The following ERC1 variants were observed in gnomAD, a reference collection of about 807,000 sequenced individuals.
The protein encoded by ERC1 is RAB6 interacting protein 2.
ERC1 carries 56 observed loss-of-function variants against 132.0 expected under a neutral mutation model. That is an observed-to-expected ratio of 0.42 (90% CI 0.34 to 0.53). ERC1 has a LOEUF of 0.53. Ranked by LOEUF, ERC1 falls within the 20% of genes least tolerant of loss-of-function variation. The probability of loss-of-function intolerance (pLI) is 0.03; values close to 1 mark genes in which losing one functional copy is unlikely to be tolerated. For synonymous variants in ERC1, 478 were observed against 476.1 expected (o/e 1.00, Z -0.05); for missense variants, 1,202 against 1,349.9 (o/e 0.89, Z 1.72).
Position 1,406,795 on chromosome 12 carries a change from C to T in ERC1, c.2926-1354C>T, listed in dbSNP as rs541504183. 3.0e-4 allele frequency among the ~76,000 whole-genome samples: 46 copies of T among 152,124 alleles called. No individual in the cohort carries two copies. The East Asian group carries it at 6.8e-3, about 22-fold the overall frequency. ...GGCTGAGTTGGGAGGATCACTTGAG[C>T]CCAGGAGTCTGAGGTTGCAGTGAGC... On this transcript the variant is annotated intron_variant, in intron 16 of 18. Coordinates refer to ENST00000360905, the MANE Select transcript of ERC1 (RefSeq NM_178040.4).
chr12:1,121,905 C>G (rs28406235), intron 7 of ERC1, among the ~76,000 whole-genome samples: 477 of 8,966 alleles, frequency 0.053, 2 homozygotes, highest in East Asian at 0.35. Context: ...ATCTCTATCT[C>G]TATCTCTATC....
intron 12 of ERC1, among the ~76,000 whole-genome samples, chr12:1,199,230 A>G (rs1956659273): frequency 6.7e-6 from 1 of 150,146 alleles, no homozygotes; most frequent in Non-Finnish European, 1.5e-5. Context: ...GTGGGGACAA[A>G]CCACCGTCAT....
At chr12:1,486,877 T>C (rs1486749275) in intron 18 of ERC1, among the ~76,000 whole-genome samples, 2 of 152,174 alleles carry the variant, frequency 1.3e-5, no homozygotes, top group East Asian at 3.8e-4. Context: ...TCATGGGAAA[T>C]AAATAAGTGA....
chr12:1,224,557 T>G (rs1425407629), intron 12 of ERC1, among the ~76,000 whole-genome samples: 1 of 152,186 alleles, frequency 6.6e-6, no homozygotes, highest in Non-Finnish European at 1.5e-5. Context: ...GTATATCTAG[T>G]CTGATATAGG....
intron 2 of ERC1, 44 bp downstream of exon 2, chr12:1,028,616 T>C (rs746581941): frequency 6.8e-7 from 1 of 1,471,618 alleles, no homozygotes; most frequent in South Asian, 1.3e-5. Flanking sequence ...AATTCATGTA[T>C]ATAAATGAAA....
intron 12 of ERC1, among the ~76,000 whole-genome samples, chr12:1,225,286 C>G (rs2074468898): frequency 6.6e-6 from 1 of 151,790 alleles, no homozygotes; most frequent in Non-Finnish European, 1.5e-5. Flanking sequence ...TAGCAAGGTG[C>G]TGTCTCTACA....
At chr12:1,296,399 G>GTTTTTTT (rs2079938073) in intron 15 of ERC1, among the ~76,000 whole-genome samples, 3 of 117,880 alleles carry the variant, frequency 2.5e-5, no homozygotes, top group African/African-American at 3.1e-5. Flanking sequence ...TTATTGGATA[G>GTTTTTTT]TCTTTTTTTT....
At chr12:1,062,438 A>G (rs1938207463) in intron 2 of ERC1, among the ~76,000 whole-genome samples, 1 of 151,752 alleles carries the variant, frequency 6.6e-6, no homozygotes, top group Non-Finnish European at 1.5e-5. Context: ...TTGTGTTTCT[A>G]TTTCGGTTTT....
Position 1,400,916 on chromosome 12 carries a change from AT to A in ERC1, c.2926-7196del, listed in dbSNP as rs869202443. On this transcript the variant is annotated intron_variant, in intron 16 of 18. Transcript: ENST00000360905. Reference sequence around the variant, plus strand: ...TCAATATTGTTTTGGCTATTTTTGTATTTTTTTTTTTTTTTTTTTTTTTTTT... The same window carrying A: ...TCAATATTGTTTTGGCTATTTTTGTATTTTTTTTTTTTTTTTTTTTTTTTT... Among the ~76,000 whole-genome samples, 35 of 15,052 alleles carry A rather than the reference AT, an allele frequency of 2.3e-3. 1 individual carries two copies. Among genetic ancestry groups the A allele is most frequent in the African/African-American group, 4.0e-3 (13 of 3,244 alleles). The allele number at this position is 15,052 out of a possible 152,430, so 9.9% of individuals were successfully genotyped here. A position where few individuals can be genotyped will look rare whatever the true frequency, so the allele number is the denominator to read the frequency against.
chr12:1,193,632 T>C (rs577741029), intron 12 of ERC1, among the ~76,000 whole-genome samples: 40 of 152,290 alleles, frequency 2.6e-4, no homozygotes, highest in Non-Finnish European at 4.6e-4. Context: ...CTGAAATCCC[T>C]GTGGCAGGCT....
At chr12:1,443,799 A>G (rs1289888367) in intron 17 of ERC1, 1 of 152,290 alleles carries the variant, frequency 6.6e-6, no homozygotes, top group Non-Finnish European at 1.5e-5. Context: ...GAAGGAATCA[A>G]AGGAGTAGCT....
chr12:1,418,737 A>ACC (rs1375832124), intron 17 of ERC1, among the ~76,000 whole-genome samples: 1 of 114,824 alleles, frequency 8.7e-6, no homozygotes, highest in African/African-American at 3.5e-5. Context: ...TGGAGACAGG[A>ACC]TCTCTCTCTC....
rs187406838 is a variant in ERC1 at position 1,207,383 on chromosome 12, T to C, written c.2351+17331T>C. Among the ~76,000 whole-genome samples, 750 of 152,326 alleles carry C rather than the reference T, an allele frequency of 4.9e-3. 2 individuals carry two copies. The highest frequency in any genetic ancestry group is 9.0e-3 in the Admixed American group (138 of 15,294). On this transcript the variant is annotated intron_variant, in intron 12 of 18. Coordinates refer to ENST00000360905, the MANE Select transcript of ERC1 (RefSeq NM_178040.4). ...ATCTATTTACAAGGAGTTTGACTTA[T>C]GGGCAAGAGTTTATAACCCAGGAGA...
At chr12:1,229,526 T>A (rs1298109400) in intron 12 of ERC1, among the ~76,000 whole-genome samples, 11 of 152,172 alleles carry the variant, frequency 7.2e-5, no homozygotes, top group Admixed American at 7.2e-4. Flanking sequence ...TTGTTGTTGT[T>A]GTTGTTTTAA....
At chr12:1,243,753 A>C (rs2075983826) in intron 13 of ERC1, among the ~76,000 whole-genome samples, 1 of 152,148 alleles carries the variant, frequency 6.6e-6, no homozygotes, top group African/African-American at 2.4e-5. Flanking sequence ...AACGTCCTGT[A>C]GTTCTCCGGA....
In ERC1 at chr12:1,493,548, AATATATATATATATATATAT is replaced by A. The variant is rs1555139790; in HGVS notation, c.*3329_*3348del. On this transcript the variant is annotated 3_prime_UTR_variant, in exon 19 of 19. Transcript: ENST00000360905. The stretch of plus-strand genomic sequence containing the variant: ...ACTCCATTTAAAAAAAAAAAAAAAA[AATATATATATATATATATAT>A]ATATATATATGGATGGGAATCACCA... 7.3e-5 allele frequency: 1 copy of A among 13,622 alleles called. No individual in the cohort carries two copies. The highest frequency in any genetic ancestry group is 3.6e-3 in the East Asian group (1 of 278). 0.8% of individuals were successfully genotyped at this position (13,622 alleles called of 1,614,324 possible). A position where few individuals can be genotyped will look rare whatever the true frequency, so the allele number is the denominator to read the frequency against.
chr12:1,000,285 G>T (rs1280535428), intron 1 of ERC1, among the ~76,000 whole-genome samples: 1 of 152,068 alleles, frequency 6.6e-6, no homozygotes, highest in East Asian at 1.9e-4. Context: ...AGGAGTTCAA[G>T]ACCAGCCTGA....
At chr12:1,334,140 C>A (rs978909503) in intron 15 of ERC1, among the ~76,000 whole-genome samples, 1 of 152,026 alleles carries the variant, frequency 6.6e-6, no homozygotes, top group Admixed American at 6.6e-5. Context: ...GGATATTAGA[C>A]CTTTGTCACA....
intron 15 of ERC1, among the ~76,000 whole-genome samples, chr12:1,299,058 A>G (rs1407310897): frequency 6.6e-6 from 1 of 152,178 alleles, no homozygotes; most frequent in Non-Finnish European, 1.5e-5. Context: ...GGTAAAACAA[A>G]TCTGTGGTCA....
Sources: allele counts gnomAD v4.1 joint callset (sites outside exome capture counted in the v4.1 genomes callset), GRCh38; gene constraint gnomAD v4.1.1; transcripts MANE v1.5; gene names NCBI Gene and HGNC (gene_info 2026-07-23, HGNC 2026-07-21).